MR1: variants seen among roughly 807,000 people sequenced by gnomAD.
MR1 encodes the protein major histocompatibility complex, class I-related, also known as major histocompatibility complex class I-related protein 1.
A neutral mutation model predicts 37.8 loss-of-function variants in MR1; 44 were observed. The observed-to-expected ratio is 1.16, with a 90% confidence interval of 0.91 to 1.50. MR1 has a LOEUF of 1.50. Ranked by LOEUF, MR1 falls within the 40% of genes most tolerant of loss-of-function variation. The pLI is 0.00. For missense variants in MR1, 386 were observed against 419.1 expected, an observed-to-expected ratio of 0.92 and a Z score of 0.69; for synonymous variants, 153 against 155.8, an observed-to-expected ratio of 0.98 and a Z score of 0.13.
chr1:181,045,212 TG>T (rs1156946868), intron 1 of MR1, among the ~76,000 whole-genome samples: 1 of 152,144 alleles, frequency 6.6e-6, no homozygotes, highest in Non-Finnish European at 1.5e-5. Context: ...TTTTGAGGAC[TG>T]GGAAGGATTT....
Position 181,061,812 on chromosome 1 carries a change from T to C in MR1, c.*6547T>C, listed in dbSNP as rs529887397. ...TACAGCTGAAGTCATAGAGGGGAAA[T>C]ATCCCACTCAAGATCATATAACATT... On this transcript the variant is annotated 3_prime_UTR_variant, in exon 6 of 6. Coordinates refer to ENST00000367580, the MANE Select transcript of MR1 (RefSeq NM_001385161.1). 6.6e-6 allele frequency: 1 copy of C among 152,266 alleles called. No individual in the cohort carries two copies. The highest frequency in any genetic ancestry group is 2.4e-5 in the African/African-American group (1 of 41,556). The allele number at this position is 152,266 out of a possible 1,614,324, so 9.4% of individuals were successfully genotyped here. A position where few individuals can be genotyped will look rare whatever the true frequency, so the allele number is the denominator to read the frequency against.
rs557918348 is a variant in MR1, at chr1:181,058,247, A to C, written c.*2982A>C. On this transcript the variant is annotated 3_prime_UTR_variant, in exon 6 of 6. Coordinates refer to ENST00000367580, the MANE Select transcript of MR1 (RefSeq NM_001385161.1). ...TGCCACAGCTATGTTTTGGCTTTGA[A>C]TTTTCTTTACTGAATATTTTGGATC... The C allele has an allele frequency of 6.6e-6, 1 of 152,026 alleles. No individual in the cohort carries two copies. The highest frequency in any genetic ancestry group is 1.5e-5 in the Non-Finnish European group (1 of 67,984). The allele number at this position is 152,026 out of a possible 1,614,324, so 9.4% of individuals were successfully genotyped here.
At chr1:181,051,706 A>C (rs1224421684) in intron 3 of MR1, among the ~76,000 whole-genome samples, 1 of 152,184 alleles carries the variant, frequency 6.6e-6, no homozygotes, top group Non-Finnish European at 1.5e-5. Flanking sequence ...AGGCACAACC[A>C]TGGCATGATC....
intron 1 of MR1, among the ~76,000 whole-genome samples, chr1:181,035,144 A>G (rs1324163868): frequency 6.6e-6 from 1 of 152,018 alleles, no homozygotes; most frequent in Non-Finnish European, 1.5e-5. Context: ...CACTAAAAAT[A>G]CAAAAAATTA....
In MR1 at chr1:181,060,861, C is replaced by G. The variant is rs1232217103; in HGVS notation, c.*5596C>G. ...TTCAACCAGAGGGGAGATGCTGATG[C>G]CTTTCAGTACTTAAATATGAGTTCA... On this transcript the variant is annotated 3_prime_UTR_variant, in exon 6 of 6. Coordinates refer to ENST00000367580, the MANE Select transcript of MR1 (RefSeq NM_001385161.1). 6.6e-6 allele frequency: 1 copy of G among 152,202 alleles called. No homozygotes were observed. Among genetic ancestry groups the G allele is most frequent in the East Asian group, 1.9e-4 (1 of 5,198 alleles). The allele number at this position is 152,202 out of a possible 1,614,324, so 9.4% of individuals were successfully genotyped here.
At chr1:181,052,038 C>G (rs1054407090) in intron 3 of MR1, among the ~76,000 whole-genome samples, 197 bp from the exon 4 acceptor site, 1 of 152,216 alleles carries the variant, frequency 6.6e-6, no homozygotes, top group Non-Finnish European at 1.5e-5. Context: ...ACTCCACATT[C>G]TTCACTACCT....
chr1:181,053,501 A>T, intron 4 of MR1, 72 bp from the exon 5 acceptor site: 1 of 1,176,412 alleles, frequency 8.5e-7, no homozygotes, highest in East Asian at 2.3e-5. Context: ...GATCACAGGG[A>T]CAAAAGTCCC....
intron 1 of MR1, among the ~76,000 whole-genome samples, chr1:181,034,523 A>G (rs1657172532): frequency 6.6e-6 from 1 of 152,210 alleles, no homozygotes; most frequent in Admixed American, 6.5e-5. Context: ...TCCAAGAAAG[A>G]TAAAACCATG....
intron 3 of MR1, chr1:181,050,577 G>A (rs1658255645): frequency 1.0e-5 from 4 of 396,130 alleles, no homozygotes; most frequent in Non-Finnish European, 1.9e-5. Context: ...GATAAGCTGG[G>A]AAATTCTTTG....
intron 1 of MR1, among the ~76,000 whole-genome samples, chr1:181,047,300 T>C (rs1249500940): frequency 6.9e-6 from 1 of 145,810 alleles, no homozygotes; most frequent in Non-Finnish European, 1.5e-5. Flanking sequence ...CACTGTGCTT[T>C]AAAAAAAAAA....
rs368350016 is a variant in MR1, at chr1:181,050,011, G to T, written c.329G>T (p.Gly110Val). 1 of 1,611,450 alleles carries T rather than the reference G, an allele frequency of 6.2e-7. No individual in the cohort carries two copies. The highest frequency in any genetic ancestry group is 1.3e-5 in the African/African-American group (1 of 74,848). ...KRLQRHYNHSGSHTYQRMIGC... is the reference protein window; with the variant it reads ...KRLQRHYNHSVSHTYQRMIGC... ...CTCTGGGCTTCTGTGTGTGTTCCAG[G>T]GTCTCACACTTACCAGAGAATGATT... Residue 110 changes from glycine (G) to valine (V), a missense_variant and splice_region_variant, in exon 3 of 6, where the codon GGG (glycine) becomes GTG (valine). Gly to Val is a moderately radical substitution (Grantham distance 109, BLOSUM62 -3). Transcript: ENST00000367580.
Position 181,049,259 on chromosome 1 carries a change from A to T in MR1, c.275A>T (p.Gln92Leu). The T allele has an allele frequency of 4.3e-6, 7 of 1,614,188 alleles. No individual in the cohort carries two copies. Among genetic ancestry groups the T allele is most frequent in the Non-Finnish European group, 5.9e-6 (7 of 1,180,016 alleles). The change falls in exon 2 of 6, where the codon CAG becomes CTG. Residue 92 changes from glutamine (Q) to leucine (L), a missense_variant. Transcript: ENST00000367580. The part of the protein sequence containing the change: ...ERYTQLLRGW[Q>L]QMFKVELKRL... Reference sequence around the variant, plus strand: ...TACACTCAGCTGCTGAGGGGCTGGCAGCAGATGTTCAAGGTGGAACTGAAG... The same window carrying T: ...TACACTCAGCTGCTGAGGGGCTGGCTGCAGATGTTCAAGGTGGAACTGAAG...
chr1:181,047,009 G>A (rs900516498), intron 1 of MR1, among the ~76,000 whole-genome samples: 3 of 152,058 alleles, frequency 2.0e-5, no homozygotes, highest in Non-Finnish European at 2.9e-5. Context: ...AACACTCACC[G>A]CGAGGGTCCA....
chr1:181,033,844 G>A, upstream of MR1: 4 of 569,568 alleles, frequency 7.0e-6, no homozygotes, highest in Non-Finnish European at 1.2e-5. Context: ...AGTTACCGAA[G>A]AAGGTGTTCA....
At chr1:181,036,142 C>T (rs997024752) in intron 1 of MR1, among the ~76,000 whole-genome samples, 4 of 152,242 alleles carry the variant, frequency 2.6e-5, no homozygotes, top group South Asian at 2.1e-4. Flanking sequence ...TTGGCAGTAG[C>T]TATGTTCTTC....
At chr1:181,048,961 A>C in intron 1 of MR1, 91 bp from the exon 2 acceptor site, 3 of 1,499,292 alleles carry the variant, frequency 2.0e-6, no homozygotes, top group Non-Finnish European at 2.7e-6. Context: ...ACAGCTGAGT[A>C]GGGAGCACTC....
chr1:181,042,338 A>G (rs1657600565), intron 1 of MR1, among the ~76,000 whole-genome samples: 1 of 150,656 alleles, frequency 6.6e-6, no homozygotes, highest in Admixed American at 6.6e-5. Flanking sequence ...AGTAGCTGGG[A>G]TTACAGGCAT....
At chr1:181,038,716 C>A (rs1001563828) in intron 1 of MR1, among the ~76,000 whole-genome samples, 3 of 152,230 alleles carry the variant, frequency 2.0e-5, no homozygotes, top group African/African-American at 7.2e-5. Context: ...AGAGGGACTT[C>A]CCATGGAGAG....
chr1:181,041,225 A>C (rs1018195799), intron 1 of MR1, among the ~76,000 whole-genome samples: 2 of 152,248 alleles, frequency 1.3e-5, no homozygotes, highest in African/African-American at 4.8e-5. Flanking sequence ...TTACATTTTT[A>C]TAAGAAAGCA....
Sources: gnomAD v4.1 joint callset for allele counts (sites outside exome capture counted in the v4.1 genomes callset) on GRCh38, gnomAD v4.1.1 for gene constraint, MANE v1.5 for transcripts, NCBI Gene and HGNC (gene_info 2026-07-23, HGNC 2026-07-21) for gene names.